DNAJC1: variants seen among roughly 807,000 people sequenced by gnomAD.
DNAJC1 encodes DnaJ heat shock protein family (Hsp40) member C1.
In DNAJC1, 58 loss-of-function variants were observed where a neutral mutation model predicts 76.6. The ratio of observed to expected loss-of-function variants is 0.76; its 90% CI spans 0.61 to 0.94. DNAJC1 has a LOEUF of 0.94. Ranked by LOEUF, DNAJC1 falls within the 40% of genes least tolerant of loss-of-function variation. DNAJC1 has a pLI of 0.00. For missense variants in DNAJC1, 689 were observed against 677.3 expected (o/e 1.02, Z -0.19); for synonymous variants, 258 against 267.9 (o/e 0.96, Z 0.36).
intron 6 of DNAJC1, among the ~76,000 whole-genome samples, chr10:21,912,627 GTC>G (rs1836882526): frequency 6.6e-6 from 1 of 151,868 alleles, no homozygotes; most frequent in Admixed American, 6.6e-5. Flanking sequence ...ATGTGTGTGT[GTC>G]TGAAAAGTTT....
chr10:21,794,217 C>T (rs1834725819), intron 9 of DNAJC1, among the ~76,000 whole-genome samples: 1 of 136,190 alleles, frequency 7.3e-6, no homozygotes, highest in African/African-American at 2.8e-5. Context: ...TTTCAGTTAT[C>T]TATGATCATG....
At chr10:21,989,542 C>T (rs961920104) in intron 1 of DNAJC1, among the ~76,000 whole-genome samples, 1 of 152,092 alleles carries the variant, frequency 6.6e-6, no homozygotes, top group Admixed American at 6.6e-5. Flanking sequence ...TCTACCAAGG[C>T]CTGGGATCAC....
intron 9 of DNAJC1, among the ~76,000 whole-genome samples, chr10:21,778,915 A>G (rs1447958347): frequency 2.0e-5 from 3 of 152,220 alleles, no homozygotes; most frequent in Non-Finnish European, 2.9e-5. Flanking sequence ...CGCTTTTCCA[A>G]CCGTCTTAGC....
At chr10:21,961,569 G>A (rs1472555384) in intron 1 of DNAJC1, among the ~76,000 whole-genome samples, 1 of 152,164 alleles carries the variant, frequency 6.6e-6, no homozygotes, top group East Asian at 1.9e-4. Flanking sequence ...CCAGGGGTTG[G>A]TGTGGGGGAA....
At chr10:21,843,002 G>A (rs539125863) in intron 8 of DNAJC1, among the ~76,000 whole-genome samples, 5 of 152,198 alleles carry the variant, frequency 3.3e-5, no homozygotes, top group African/African-American at 4.8e-5. Context: ...AAAAAGCAGC[G>A]AAAAGTATGC....
chr10:21,828,938 T>C (rs1835308965), intron 8 of DNAJC1, among the ~76,000 whole-genome samples: 1 of 152,214 alleles, frequency 6.6e-6, no homozygotes, highest in Admixed American at 6.5e-5. Flanking sequence ...GAAAGTGTGG[T>C]AATTGTGTAT....
At chr10:21,905,238 T>C (rs1836723297) in intron 6 of DNAJC1, among the ~76,000 whole-genome samples, 1 of 149,890 alleles carries the variant, frequency 6.7e-6, no homozygotes. Context: ...GGCACACAGG[T>C]AAGGCTTTAG....
intron 9 of DNAJC1, among the ~76,000 whole-genome samples, chr10:21,779,166 G>A (rs900413224): frequency 6.6e-6 from 1 of 152,166 alleles, no homozygotes; most frequent in Non-Finnish European, 1.5e-5. Context: ...TCCACCTCTG[G>A]GGACACGGCA....
At position 21,872,711 on chromosome 10, in the gene DNAJC1, G is replaced by C. The variant is rs531169452; in HGVS notation, c.978+9571C>G. ...ATATCAATATATGAACAATGGAAGT[G>C]CCAGAAGGTGGTGGGGAGGAGTGGG... is the stretch of plus-strand genomic sequence containing the variant. On this transcript the variant is annotated intron_variant, in intron 8 of 11. Transcript: ENST00000376980. Among the ~76,000 whole-genome samples, 15 of 152,244 alleles carry C rather than the reference G, an allele frequency of 9.9e-5. No homozygotes were observed. The Middle Eastern group carries it at 0.01, about 104-fold the overall frequency.
At chr10:21,779,037 G>A (rs925651822) in intron 9 of DNAJC1, among the ~76,000 whole-genome samples, 8 of 152,212 alleles carry the variant, frequency 5.3e-5, no homozygotes, top group Non-Finnish European at 7.3e-5. Context: ...AGATGGCAGC[G>A]AGGCTGGGGG....
chr10:21,924,465 T>C (rs1490995177), intron 3 of DNAJC1, among the ~76,000 whole-genome samples: 1 of 152,116 alleles, frequency 6.6e-6, no homozygotes, highest in Non-Finnish European at 1.5e-5. Flanking sequence ...AAATTCGTAA[T>C]AGATTTTGAA....
At chr10:21,948,808 G>A (rs1837548369) in intron 1 of DNAJC1, among the ~76,000 whole-genome samples, 2 of 152,204 alleles carry the variant, frequency 1.3e-5, no homozygotes, top group South Asian at 4.1e-4. Context: ...ACCCAGTTAA[G>A]GTTCAAAAAA....
chr10:21,828,842 T>C (rs928238452), intron 8 of DNAJC1, among the ~76,000 whole-genome samples: 2 of 152,374 alleles, frequency 1.3e-5, no homozygotes, highest in Non-Finnish European at 1.5e-5. Context: ...GAAATTATAA[T>C]TTACATTTGC....
At chr10:21,905,696 G>GCA (rs1487971308) in intron 6 of DNAJC1, among the ~76,000 whole-genome samples, 12 of 152,262 alleles carry the variant, frequency 7.9e-5, no homozygotes, top group Middle Eastern at 3.4e-3. Context: ...CATGCCCAGA[G>GCA]CACAGTATCT....
Position 21,867,263 on chromosome 10 carries a change from C to T in DNAJC1, c.978+15019G>A, listed in dbSNP as rs571644289. 1.1e-4 allele frequency among the ~76,000 whole-genome samples: 16 copies of T among 151,952 alleles called. 1 individual carries two copies. The highest frequency in any genetic ancestry group is 3.4e-3 in the Middle Eastern group (1 of 294). On this transcript the variant is annotated intron_variant, in intron 8 of 11. Transcript: ENST00000376980. Reference sequence around the variant, plus strand: ...ACTTAATGGCCTGAAAAGGAGACAGCGAGCGAATATAAGAATATACAAATA... The same window carrying T: ...ACTTAATGGCCTGAAAAGGAGACAGTGAGCGAATATAAGAATATACAAATA...
At chr10:21,941,406 C>A (rs1226551356) in intron 1 of DNAJC1, among the ~76,000 whole-genome samples, 1 of 151,444 alleles carries the variant, frequency 6.6e-6, no homozygotes, top group African/African-American at 2.4e-5. Context: ...AAGACTGCTA[C>A]TAGACGCTGT....
chr10:21,783,807 T>C (rs1834567463), intron 9 of DNAJC1, among the ~76,000 whole-genome samples: 1 of 152,174 alleles, frequency 6.6e-6, no homozygotes, highest in Non-Finnish European at 1.5e-5. Context: ...GGGGAAAGGA[T>C]TCCCTATTTA....
chr10:21,854,505 T>C (rs1289068578), intron 8 of DNAJC1, among the ~76,000 whole-genome samples: 1 of 152,140 alleles, frequency 6.6e-6, no homozygotes, highest in African/African-American at 2.4e-5. Flanking sequence ...AATTTAAGTA[T>C]CTGTTTTACA....
At chr10:21,895,825 A>T (rs1836532078) in intron 7 of DNAJC1, among the ~76,000 whole-genome samples, 1 of 152,174 alleles carries the variant, frequency 6.6e-6, no homozygotes, top group African/African-American at 2.4e-5. Context: ...AGTTTCAAAA[A>T]AGGGGCCCAA....
Sources: allele counts gnomAD v4.1 joint callset (sites outside exome capture counted in the v4.1 genomes callset), GRCh38; gene constraint gnomAD v4.1.1; transcripts MANE v1.5; gene names NCBI Gene and HGNC (gene_info 2026-07-23, HGNC 2026-07-21).